The following IL1R1 variants were observed in gnomAD, a reference collection of about 807,000 sequenced individuals.
IL1R1 encodes the protein interleukin 1 receptor type 1.
IL1R1 carries 22 observed loss-of-function variants against 50.2 expected under a neutral mutation model. The ratio of observed to expected loss-of-function variants is 0.44; its 90% CI spans 0.31 to 0.63. The LOEUF is 0.63. Ranked by LOEUF, IL1R1 falls within the 20% of genes least tolerant of loss-of-function variation. IL1R1 has a pLI of 0.07. For synonymous variants in IL1R1, 251 were observed against 236.7 expected (o/e 1.06, Z -0.55); for missense variants, 509 against 676.2 (o/e 0.75, Z 2.74).
intron 1 of IL1R1, among the ~76,000 whole-genome samples, chr2:102,106,191 A>G (rs922608109): frequency 4.6e-5 from 7 of 152,160 alleles, no homozygotes; most frequent in Non-Finnish European, 1.0e-4. Context: ...TTGGTGAGTC[A>G]TGGCATTCAC....
intron 1 of IL1R1, among the ~76,000 whole-genome samples, chr2:102,112,594 C>G (rs1043695533): frequency 6.6e-6 from 1 of 152,038 alleles, no homozygotes; most frequent in Non-Finnish European, 1.5e-5. Context: ...TCAGGTGTAA[C>G]ATGGGATGGG....
At chr2:102,106,429 T>C (rs1460282306) in intron 1 of IL1R1, among the ~76,000 whole-genome samples, 1 of 152,246 alleles carries the variant, frequency 6.6e-6, no homozygotes, top group African/African-American at 2.4e-5. Context: ...TTCCTAACAC[T>C]ACATGCTATT....
At position 102,176,815 on chromosome 2, in the gene IL1R1, C is replaced by A; in HGVS notation, c.*56C>A. On this transcript the variant is annotated 3_prime_UTR_variant, in exon 12 of 12. Transcript: ENST00000410023. ...GCCTCCTGTCTTATGGCGTTGCAGG[C>A]CAGGTTATGCCTCATGCTGACTTGC... 6.7e-7 allele frequency: 1 copy of A among 1,491,330 alleles called. No individual in the cohort carries two copies. The highest frequency in any genetic ancestry group is 1.2e-5 in the South Asian group (1 of 83,362). 92.4% of individuals were successfully genotyped at this position (1,491,330 alleles called of 1,614,324 possible).
At position 102,179,464 on chromosome 2, in the gene IL1R1, G is replaced by A. The variant is rs1686405100; in HGVS notation, c.*2705G>A. ...CCCCGTGAACTTCCTTTGACTTATT[G>A]TCCCCACTAAAACAAAACAAAAAAC... On this transcript the variant is annotated 3_prime_UTR_variant, in exon 12 of 12. Transcript: ENST00000410023. 6.6e-6 allele frequency: 1 copy of A among 152,384 alleles called. No individual in the cohort carries two copies. The highest frequency in any genetic ancestry group is 1.5e-5 in the Non-Finnish European group (1 of 68,020). 9.4% of individuals were successfully genotyped at this position (152,384 alleles called of 1,614,324 possible). A position where few individuals can be genotyped will look rare whatever the true frequency, so the allele number is the denominator to read the frequency against.
chr2:102,078,600 A>ACACACACACAC (rs57113618), intron 1 of IL1R1, among the ~76,000 whole-genome samples: 5 of 146,506 alleles, frequency 3.4e-5, no homozygotes, highest in South Asian at 2.2e-4. Flanking sequence ...ACACACACAC[A>ACACACACACAC]AGAAAAAAAA....
At chr2:102,118,133 T>C (rs1214665711) in intron 1 of IL1R1, among the ~76,000 whole-genome samples, 1 of 152,118 alleles carries the variant, frequency 6.6e-6, no homozygotes, top group Non-Finnish European at 1.5e-5. Flanking sequence ...AAGAACAGAT[T>C]AGAAGCTTGG....
intron 1 of IL1R1, among the ~76,000 whole-genome samples, chr2:102,083,033 G>T (rs913446615): frequency 2.0e-5 from 3 of 152,114 alleles, no homozygotes; most frequent in Non-Finnish European, 2.9e-5. Flanking sequence ...ACCAGAGGGG[G>T]CCACTCCAAT....
chr2:102,082,981 A>C (rs1289601807), intron 1 of IL1R1, among the ~76,000 whole-genome samples: 2 of 152,180 alleles, frequency 1.3e-5, no homozygotes, highest in Non-Finnish European at 2.9e-5. Context: ...TTATGAACGA[A>C]CAGGAACAAT....
chr2:102,160,495 G>A (rs546243374), intron 3 of IL1R1, among the ~76,000 whole-genome samples: 1 of 152,090 alleles, frequency 6.6e-6, no homozygotes, highest in South Asian at 2.1e-4. Context: ...CATATCTAGG[G>A]AGAGACTGCT....
At chr2:102,116,760 C>G (rs1681097733) in intron 1 of IL1R1, among the ~76,000 whole-genome samples, 1 of 152,204 alleles carries the variant, frequency 6.6e-6, no homozygotes, top group Non-Finnish European at 1.5e-5. Flanking sequence ...CCTCCTTCCT[C>G]TTGGGTTCAC....
chr2:102,145,375 C>T (rs1041100226), intron 1 of IL1R1, among the ~76,000 whole-genome samples: 4 of 152,260 alleles, frequency 2.6e-5, no homozygotes, highest in African/African-American at 9.6e-5. Flanking sequence ...AGCCTCCCGG[C>T]CATGCCTAGT....
intron 2 of IL1R1, among the ~76,000 whole-genome samples, chr2:102,156,981 G>A (rs1211835843): frequency 6.6e-6 from 1 of 152,232 alleles, no homozygotes; most frequent in East Asian, 1.9e-4. Flanking sequence ...AAATTAAAAG[G>A]CAGATGTTTT....
chr2:102,166,926 C>T (rs1685229629), intron 6 of IL1R1, among the ~76,000 whole-genome samples: 1 of 152,180 alleles, frequency 6.6e-6, no homozygotes, highest in African/African-American at 2.4e-5. Flanking sequence ...TCTTTCAATT[C>T]TGCGTTAACC....
intron 1 of IL1R1, among the ~76,000 whole-genome samples, chr2:102,118,823 C>G (rs1385423526): frequency 6.6e-6 from 1 of 151,890 alleles, no homozygotes; most frequent in Admixed American, 6.5e-5. Flanking sequence ...CAAGACCATC[C>G]CGGCTAACAT....
At chr2:102,078,652 C>T (rs1282371324) in intron 1 of IL1R1, among the ~76,000 whole-genome samples, 3 of 149,936 alleles carry the variant, frequency 2.0e-5, no homozygotes, top group Non-Finnish European at 3.0e-5. Flanking sequence ...CTGGTGAATT[C>T]CACCAAACAT....
At chr2:102,097,549 T>G (rs1043699239) in intron 1 of IL1R1, among the ~76,000 whole-genome samples, 1 of 152,068 alleles carries the variant, frequency 6.6e-6, no homozygotes, top group Non-Finnish European at 1.5e-5. Flanking sequence ...ATATTAGGAA[T>G]GAACAGGGAT....
At chr2:102,089,007 A>G (rs1327382206) in intron 1 of IL1R1, among the ~76,000 whole-genome samples, 3 of 152,200 alleles carry the variant, frequency 2.0e-5, no homozygotes, top group Admixed American at 2.0e-4. Context: ...GTTTTGATCT[A>G]TTATTGACAC....
rs1679448691 is a variant in IL1R1 at position 102,086,761 on chromosome 2, C to T, written c.-84+16228C>T. ...CGTTATCTAGCCTCCCTTTCTCTCTCAAAGATTTTATATTTGTTCACTCAT... is the reference window on the plus strand; with the variant it reads ...CGTTATCTAGCCTCCCTTTCTCTCTTAAAGATTTTATATTTGTTCACTCAT... On this transcript the variant is annotated intron_variant, in intron 1 of 11. Transcript: ENST00000409929. Among the ~76,000 whole-genome samples the T allele has an allele frequency of 5.3e-5, 8 of 152,252 alleles. No individual in the cohort carries two copies. The South Asian group carries it at 1.5e-3, about 28-fold the overall frequency.
At chr2:102,156,442 G>C (rs1021648491) in intron 2 of IL1R1, among the ~76,000 whole-genome samples, 1 of 152,010 alleles carries the variant, frequency 6.6e-6, no homozygotes, top group Admixed American at 6.6e-5. Context: ...GGTATGTCTC[G>C]CATGGTTAGA....
Sources: gnomAD v4.1 joint callset for allele counts (sites outside exome capture counted in the v4.1 genomes callset) on GRCh38, gnomAD v4.1.1 for gene constraint, MANE v1.5 for transcripts, NCBI Gene and HGNC (gene_info 2026-07-23, HGNC 2026-07-21) for gene names.